The following MAGI2 variants were observed in gnomAD, a reference collection of about 807,000 sequenced individuals.
The protein encoded by MAGI2 is membrane associated guanylate kinase, WW and PDZ domain containing 2.
Under a neutral mutation model 133.3 loss-of-function variants are expected in MAGI2, and 35 were observed. The ratio of observed to expected loss-of-function variants is 0.26; its 90% CI spans 0.20 to 0.35. The LOEUF (loss-of-function observed/expected upper bound fraction) is 0.35. Ranked by LOEUF, MAGI2 falls within the 10% of genes least tolerant of loss-of-function variation. The pLI is 1.00. For missense variants in MAGI2, 1,636 were observed against 1,863.4 expected (o/e 0.88, Z 2.25); for synonymous variants, 729 against 710.6 (o/e 1.03, Z -0.41).
At chr7:79,266,819 C>A (rs1232111282) in intron 1 of MAGI2, among the ~76,000 whole-genome samples, 1 of 152,084 alleles carries the variant, frequency 6.6e-6, no homozygotes, top group Non-Finnish European at 1.5e-5. Flanking sequence ...ACAGACACCC[C>A]CCCAAAGCAA....
chr7:79,211,767 A>G (rs1045176098), intron 1 of MAGI2, among the ~76,000 whole-genome samples: 8 of 152,198 alleles, frequency 5.3e-5, no homozygotes, highest in African/African-American at 1.4e-4. Flanking sequence ...CACAGGTTTT[A>G]AGACTGGGTT....
intron 2 of MAGI2, among the ~76,000 whole-genome samples, chr7:78,967,683 A>G (rs1445984109): frequency 6.6e-6 from 1 of 152,014 alleles, no homozygotes; most frequent in Non-Finnish European, 1.5e-5. Context: ...CCAGTTTTCC[A>G]AAATGACTTG....
chr7:79,153,444 C>T (rs1255623376), intron 1 of MAGI2, among the ~76,000 whole-genome samples: 1 of 152,138 alleles, frequency 6.6e-6, no homozygotes, highest in Non-Finnish European at 1.5e-5. Flanking sequence ...GCTTTGAAGG[C>T]AAACCTACTG....
intron 3 of MAGI2, among the ~76,000 whole-genome samples, chr7:78,581,350 T>C (rs1362697570): frequency 6.6e-6 from 1 of 152,206 alleles, no homozygotes; most frequent in Non-Finnish European, 1.5e-5. Context: ...TTTATACATA[T>C]ACATATGCCA....
intron 9 of MAGI2, among the ~76,000 whole-genome samples, chr7:78,267,479 A>G (rs1056320257): frequency 1.3e-5 from 2 of 152,154 alleles, no homozygotes; most frequent in Non-Finnish European, 2.9e-5. Flanking sequence ...TTCCAATTTC[A>G]GTTTCAGAAA....
intron 1 of MAGI2, among the ~76,000 whole-genome samples, chr7:79,285,340 G>A (rs1835922543): frequency 6.6e-6 from 1 of 151,966 alleles, no homozygotes; most frequent in South Asian, 2.1e-4. Flanking sequence ...TTTCAAATCC[G>A]AGTTTTGTTC....
chr7:78,960,446 T>A (rs1802741688), intron 2 of MAGI2, among the ~76,000 whole-genome samples: 1 of 152,082 alleles, frequency 6.6e-6, no homozygotes, highest in Admixed American at 6.6e-5. Context: ...ATTATAATAA[T>A]CATGAATATT....
intron 1 of MAGI2, among the ~76,000 whole-genome samples, chr7:79,342,716 T>G (rs142713358): frequency 0.01 from 1,529 of 152,032 alleles, 57 homozygotes; most frequent in Admixed American, 0.072. Flanking sequence ...TCACTAATTA[T>G]TATGAGGAAG....
intron 10 of MAGI2, among the ~76,000 whole-genome samples, chr7:78,207,522 T>C (rs186979059): frequency 6.6e-6 from 1 of 152,330 alleles, no homozygotes; most frequent in East Asian, 1.9e-4. Context: ...TTGGTAAATG[T>C]AAGCCAGCAG....
intron 21 of MAGI2, among the ~76,000 whole-genome samples, chr7:78,048,526 T>C (rs895303747): frequency 8.5e-5 from 13 of 152,136 alleles, no homozygotes; most frequent in Admixed American, 7.9e-4. Flanking sequence ...TTGGATAATA[T>C]ATAAAAATGT....
At chr7:78,246,305 G>A (rs1055340189) in intron 10 of MAGI2, among the ~76,000 whole-genome samples, 1 of 152,036 alleles carries the variant, frequency 6.6e-6, no homozygotes, top group Non-Finnish European at 1.5e-5. Flanking sequence ...CCTGCCTCCT[G>A]GGAAATGATG....
At chr7:79,409,385 G>C (rs1331527019) in intron 1 of MAGI2, among the ~76,000 whole-genome samples, 1 of 151,768 alleles carries the variant, frequency 6.6e-6, no homozygotes, top group South Asian at 2.1e-4. Flanking sequence ...TCAGCCTCTC[G>C]AGTAGCTGCG....
intron 2 of MAGI2, among the ~76,000 whole-genome samples, chr7:78,942,603 T>A (rs1292707677): frequency 1.3e-5 from 2 of 152,134 alleles, no homozygotes; most frequent in East Asian, 3.9e-4. Context: ...TCTGGGTAGT[T>A]CATCATGATT....
rs765488278 is a variant in MAGI2 at position 78,127,356 on chromosome 7, G to T, written c.3264C>A (p.Phe1088Leu). ...DVKPDIRQPP[F>L]TDYRQPPLDY... is the part of the protein sequence containing the mutation. ...CCAGCGGGGGCTGCCTGTAGTCTGTGAATGGAGGCTGTCGGATGTCTGGTT... is the reference window on the plus strand; with the variant it reads ...CCAGCGGGGGCTGCCTGTAGTCTGTTAATGGAGGCTGTCGGATGTCTGGTT... The change falls in exon 19 of 22, where the codon TTC becomes TTA. Residue 1088 changes from phenylalanine (F) to leucine (L), a missense_variant. Coordinates refer to ENST00000354212, the MANE Select transcript of MAGI2 (RefSeq NM_012301.4). The T allele has an allele frequency of 6.2e-7, 1 of 1,609,790 alleles. No individual in the cohort carries two copies. Among genetic ancestry groups the T allele is most frequent in the Non-Finnish European group, 8.5e-7 (1 of 1,179,962 alleles).
At chr7:78,566,342 C>A (rs1175795187) in intron 3 of MAGI2, among the ~76,000 whole-genome samples, 1 of 151,982 alleles carries the variant, frequency 6.6e-6, no homozygotes. Context: ...TCTGAGAATT[C>A]TATTTTTTAA....
intron 1 of MAGI2, among the ~76,000 whole-genome samples, chr7:79,376,848 G>GTGT: frequency 6.7e-6 from 1 of 149,564 alleles, no homozygotes; most frequent in African/African-American, 2.5e-5. Context: ...GTGGGTGTAT[G>GTGT]GCGTGTGTAT....
chr7:79,264,802 T>C (rs1379250675), intron 1 of MAGI2, among the ~76,000 whole-genome samples: 5 of 151,116 alleles, frequency 3.3e-5, no homozygotes, highest in Non-Finnish European at 7.4e-5. Context: ...TGGTGGAAGA[T>C]GAAGGGGAGC....
intron 1 of MAGI2, among the ~76,000 whole-genome samples, chr7:79,200,694 C>A (rs1044606107): frequency 6.6e-6 from 1 of 151,740 alleles, no homozygotes. Context: ...CCCATTGTTC[C>A]ATTGAGAATA....
At chr7:79,335,590 C>T (rs1669485368) in intron 1 of MAGI2, among the ~76,000 whole-genome samples, 1 of 151,878 alleles carries the variant, frequency 6.6e-6, no homozygotes, top group Middle Eastern at 3.4e-3. Flanking sequence ...AATGGTAAAT[C>T]TATAGGAAAT....
Sources: allele counts gnomAD v4.1 joint callset (sites outside exome capture counted in the v4.1 genomes callset), GRCh38; gene constraint gnomAD v4.1.1; transcripts MANE v1.5; gene names NCBI Gene and HGNC (gene_info 2026-07-23, HGNC 2026-07-21).